AGBL4: variants seen among roughly 807,000 people sequenced by gnomAD.
AGBL4 encodes AGBL carboxypeptidase 4.
In AGBL4, 58 loss-of-function variants were observed where a neutral mutation model predicts 66.4. That is an observed-to-expected ratio of 0.87 (90% CI 0.71 to 1.09). The LOEUF (loss-of-function observed/expected upper bound fraction) is 1.09. Among genes scored for constraint, AGBL4 ranks in the 50% least tolerant of loss-of-function variants. The pLI, the probability that AGBL4 is intolerant of heterozygous loss-of-function variation, is 0.00. For missense variants in AGBL4, 579 were observed against 631.0 expected (o/e 0.92, Z 0.88); for synonymous variants, 234 against 222.9 (o/e 1.05, Z -0.44).
At chr1:49,764,941 G>A (rs550400323) in intron 2 of AGBL4, among the ~76,000 whole-genome samples, 17 of 152,112 alleles carry the variant, frequency 1.1e-4, no homozygotes, top group Non-Finnish European at 2.1e-4. Flanking sequence ...AGGTGTGATA[G>A]GAAAACAGAT....
At chr1:48,984,910 A>G (rs1660063416) in intron 5 of AGBL4, among the ~76,000 whole-genome samples, 1 of 152,008 alleles carries the variant, frequency 6.6e-6, no homozygotes, top group African/African-American at 2.4e-5. Context: ...GAATTCCACA[A>G]TGGAAATTGA....
At chr1:49,844,977 T>C in intron 2 of AGBL4, 1 of 1,388,370 alleles carries the variant, frequency 7.2e-7, no homozygotes, top group Non-Finnish European at 1.0e-6. Context: ...AACCAATGAC[T>C]CCTGAACAAC....
At chr1:49,205,855 T>C (rs1480394285) in intron 4 of AGBL4, among the ~76,000 whole-genome samples, 4 of 152,156 alleles carry the variant, frequency 2.6e-5, no homozygotes, top group Non-Finnish European at 5.9e-5. Context: ...GTTCTGATGA[T>C]GCTATAACTG....
intron 5 of AGBL4, among the ~76,000 whole-genome samples, chr1:49,034,098 C>T (rs1664449220): frequency 6.6e-6 from 1 of 152,052 alleles, no homozygotes; most frequent in South Asian, 2.1e-4. Flanking sequence ...CCCCAGCAAG[C>T]ACTCCTTTAT....
chr1:49,302,503 C>T (rs1369553406), intron 3 of AGBL4, among the ~76,000 whole-genome samples: 2 of 151,956 alleles, frequency 1.3e-5, no homozygotes, highest in Non-Finnish European at 2.9e-5. Flanking sequence ...AATCCACCCG[C>T]CTTGGCCTCC....
intron 3 of AGBL4, among the ~76,000 whole-genome samples, chr1:49,561,493 T>C (rs561268001): frequency 2.3e-3 from 342 of 151,892 alleles, no homozygotes; most frequent in South Asian, 4.0e-3. Context: ...CTGTGTGATG[T>C]TCCCCTTCCT....
intron 1 of AGBL4, among the ~76,000 whole-genome samples, chr1:49,906,661 A>C (rs191854415): frequency 1.6e-4 from 25 of 152,176 alleles, no homozygotes; most frequent in Admixed American, 5.9e-4. Context: ...TGAAAAATAT[A>C]CCTAGTCCAT....
intron 5 of AGBL4, among the ~76,000 whole-genome samples, chr1:48,959,435 A>C (rs909350768): frequency 6.6e-6 from 1 of 152,198 alleles, no homozygotes; most frequent in African/African-American, 2.4e-5. Context: ...GGGGCACTAG[A>C]AATATAGTAA....
intron 8 of AGBL4, among the ~76,000 whole-genome samples, chr1:48,649,028 T>C (rs564615101): frequency 7.9e-5 from 12 of 152,328 alleles, no homozygotes; most frequent in African/African-American, 2.6e-4. Flanking sequence ...TGGAAACATG[T>C]ATGTGAACTT....
chr1:49,616,446 C>T (rs959179490), intron 3 of AGBL4, among the ~76,000 whole-genome samples: 1 of 152,134 alleles, frequency 6.6e-6, no homozygotes, highest in African/African-American at 2.4e-5. Flanking sequence ...ATTCTTTGAT[C>T]TCTAAATATA....
At chr1:48,733,896 GA>G (rs1477981478) in intron 6 of AGBL4, among the ~76,000 whole-genome samples, 1 of 152,168 alleles carries the variant, frequency 6.6e-6, no homozygotes, top group Non-Finnish European at 1.5e-5. Context: ...AGATGAATCA[GA>G]TACAGTCCCC....
chr1:49,813,970 T>C (rs969910937), intron 2 of AGBL4, among the ~76,000 whole-genome samples: 2 of 152,058 alleles, frequency 1.3e-5, no homozygotes, highest in African/African-American at 2.4e-5. Context: ...TCTCATGAGA[T>C]CTGATGGTTT....
chr1:49,573,882 G>T (rs1251738973), intron 3 of AGBL4, among the ~76,000 whole-genome samples: 1 of 152,012 alleles, frequency 6.6e-6, no homozygotes, highest in Non-Finnish European at 1.5e-5. Flanking sequence ...AATCTTTTTT[G>T]CCAGAAGGAA....
At chr1:49,415,334 TA>T (rs1290661736) in intron 3 of AGBL4, among the ~76,000 whole-genome samples, 7 of 152,270 alleles carry the variant, frequency 4.6e-5, no homozygotes, top group African/African-American at 1.4e-4. Context: ...TTGATTGCTT[TA>T]AAATATTCAA....
Position 49,988,923 on chromosome 1 carries a change from T to G in AGBL4, c.34+34840A>C, listed in dbSNP as rs536694716. On this transcript the variant is annotated intron_variant, in intron 1 of 13. Transcript: ENST00000371839. The stretch of plus-strand genomic sequence containing the variant: ...AAACCATAGCACCTGAAATTCCCAT[T>G]CGAGTAACTTTTTGAATATCCAGAT... Among the ~76,000 whole-genome samples, 3 of 152,262 alleles carry G rather than the reference T, an allele frequency of 2.0e-5. No individual in the cohort carries two copies. In the South Asian group the frequency reaches 6.2e-4, roughly 32 times the overall value.
At chr1:48,968,648 G>A (rs1040780948) in intron 5 of AGBL4, among the ~76,000 whole-genome samples, 4 of 152,130 alleles carry the variant, frequency 2.6e-5, no homozygotes, top group African/African-American at 4.8e-5. Flanking sequence ...GAGTCCTAGA[G>A]GGGAAGGACT....
intron 3 of AGBL4, among the ~76,000 whole-genome samples, chr1:49,556,919 C>A (rs973875924): frequency 3.9e-5 from 6 of 152,074 alleles, no homozygotes; most frequent in East Asian, 1.9e-4. Context: ...GGGGACCCGG[C>A]GCACCCTCCG....
At chr1:48,734,614 C>G (rs979205386) in intron 6 of AGBL4, among the ~76,000 whole-genome samples, 1 of 152,200 alleles carries the variant, frequency 6.6e-6, no homozygotes, top group Non-Finnish European at 1.5e-5. Flanking sequence ...TTCTTCACAC[C>G]CGGAGCATGC....
intron 3 of AGBL4, among the ~76,000 whole-genome samples, chr1:49,450,252 C>G (rs775058476): frequency 7.9e-5 from 12 of 152,026 alleles, no homozygotes; most frequent in Non-Finnish European, 1.3e-4. Context: ...TGATATGAAG[C>G]TAGGAATAGA....
Sources: gnomAD v4.1 joint callset for allele counts (sites outside exome capture counted in the v4.1 genomes callset) on GRCh38, gnomAD v4.1.1 for gene constraint, MANE v1.5 for transcripts, NCBI Gene and HGNC (gene_info 2026-07-23, HGNC 2026-07-21) for gene names.